Variants in MIA2 observed in about 807,000 individuals in gnomAD.
MIA2 encodes MIA SH3 domain ER export factor 2.
In MIA2, 127 loss-of-function variants were observed where a neutral mutation model predicts 167.8. That is an observed-to-expected ratio of 0.76 (90% confidence interval 0.66 to 0.88). The LOEUF (loss-of-function observed/expected upper bound fraction) is 0.88. Ranked by LOEUF, MIA2 falls within the 40% of genes least tolerant of loss-of-function variation. The probability of loss-of-function intolerance (pLI) is 0.00; values close to 1 mark genes in which losing one functional copy is unlikely to be tolerated. For synonymous variants in MIA2, 552 were observed against 541.9 expected, an observed-to-expected ratio of 1.02 and a Z score of -0.26; for missense variants, 1,690 against 1,624.7, an observed-to-expected ratio of 1.04 and a Z score of -0.69.
At chr14:39,355,547 C>T (rs1192859593), downstream of MIA2, among the ~76,000 whole-genome samples, 1 of 152,186 alleles carries the variant, frequency 6.6e-6, no homozygotes, top group Admixed American at 6.5e-5. Context: ...CCTTTATTTC[C>T]TTCTCCTGCC....
chr14:39,266,948 T>C, intron 6 of MIA2: 1 of 654,038 alleles, frequency 1.5e-6, no homozygotes, highest in Non-Finnish European at 1.9e-6. Flanking sequence ...TCTTTGGGGT[T>C]GTGCGGCTCA....
At chr14:39,284,494 A>G (rs1050882945) in intron 9 of MIA2, among the ~76,000 whole-genome samples, 1 of 151,614 alleles carries the variant, frequency 6.6e-6, no homozygotes, top group Non-Finnish European at 1.5e-5. Flanking sequence ...GATGCTGCCA[A>G]CTCTATTTTT....
At chr14:39,353,765 C>G (rs1483594402), downstream of MIA2, among the ~76,000 whole-genome samples, 1 of 152,076 alleles carries the variant, frequency 6.6e-6, no homozygotes, top group Non-Finnish European at 1.5e-5. Context: ...CTTCCTGTGT[C>G]CAAGTGTTCT....
In MIA2 at chr14:39,252,853, C is replaced by A. The variant is rs780645950; in HGVS notation, c.1673C>A (p.Thr558Asn). 6 of 1,613,864 alleles carry A rather than the reference C, an allele frequency of 3.7e-6. No individual in the cohort carries two copies. Among genetic ancestry groups the A allele is most frequent in the Non-Finnish European group, 5.1e-6 (6 of 1,179,922 alleles). Reference sequence around the variant, plus strand: ...GAAAATTCGAAACCATCAGTAGACACCGAAGGGCCTGCTCTGGTGGAGATA... The same window carrying A: ...GAAAATTCGAAACCATCAGTAGACAACGAAGGGCCTGCTCTGGTGGAGATA... ...SDENSKPSVD[T>N]EGPALVEIDR... Residue 558 changes from threonine (T) to asparagine (N), a missense_variant, in exon 5 of 29, where the codon ACC (threonine) becomes AAC (asparagine). Physicochemically the swap from Thr to Asn is moderately conservative, Grantham distance 65. Transcript: ENST00000640607.
chr14:39,345,234 T>C (rs1161216686), intron 25 of MIA2, among the ~76,000 whole-genome samples: 1 of 151,964 alleles, frequency 6.6e-6, no homozygotes, highest in Non-Finnish European at 1.5e-5. Context: ...CTACCATGCC[T>C]GGCTAATTTT....
chr14:39,354,773 A>G (rs1164972864), downstream of MIA2, among the ~76,000 whole-genome samples: 2 of 152,126 alleles, frequency 1.3e-5, no homozygotes, highest in African/African-American at 4.8e-5. Context: ...TCAGCTTTCT[A>G]CATATGGCTA....
chr14:39,298,559 G>A (rs529371834), intron 13 of MIA2, among the ~76,000 whole-genome samples: 320 of 2,572 alleles, frequency 0.12, 8 homozygotes, highest in African/African-American at 0.29. Context: ...TTTTTTGTGA[G>A]CAACATGGCT....
intron 6 of MIA2, among the ~76,000 whole-genome samples, chr14:39,275,440 A>G (rs369930713): frequency 1.2e-3 from 183 of 152,322 alleles, no homozygotes; most frequent in Admixed American, 1.8e-3. Context: ...CCCTAGCTCA[A>G]TGCTTTAAAC....
chr14:39,290,850 G>A (rs959517991), intron 9 of MIA2, among the ~76,000 whole-genome samples, 169 bp from the exon 10 acceptor site: 4 of 152,164 alleles, frequency 2.6e-5, no homozygotes, highest in Non-Finnish European at 5.9e-5. Context: ...TAGCTGCTCT[G>A]GCATTGTTTG....
Position 39,326,970 on chromosome 14 carries a change from G to A in MIA2, c.3603G>A (p.Gly1201=), listed in dbSNP as rs2067692781. 1 of 1,581,046 alleles carries A rather than the reference G, an allele frequency of 6.3e-7. No homozygotes were observed. Among genetic ancestry groups the A allele is most frequent in the African/African-American group, 1.4e-5 (1 of 72,826 alleles). ...CTCATAGGGCTCCCTCTGACACTGGGTCTCTGTCACCTCCATGGGACCAGG... is the reference window on the plus strand; with the variant it reads ...CTCATAGGGCTCCCTCTGACACTGGATCTCTGTCACCTCCATGGGACCAGG... ...TDPHRAPSDT[G]SLSPPWDQDR... Residue 1201 remains glycine (G), a synonymous_variant, in exon 25 of 29, where the codon GGG becomes GGA. Coordinates refer to ENST00000640607, the MANE Select transcript of MIA2 (RefSeq NM_001329214.4).
rs903314938 is a variant in MIA2, at chr14:39,296,322, A to AT, written c.2496+1303dup. On this transcript the variant is annotated intron_variant, in intron 13 of 28. Coordinates refer to ENST00000640607, the MANE Select transcript of MIA2 (RefSeq NM_001329214.4). ...TTGGTTGAATATATTCTGGGTTGGC[A>AT]TTTTTTTTTTCCTCAAAATTTTGAC... Among the ~76,000 whole-genome samples the AT allele has an allele frequency of 7.7e-4, 113 of 147,672 alleles. 1 individual carries two copies. The highest frequency in any genetic ancestry group is 7.3e-3 in the South Asian group (34 of 4,660).
chr14:39,345,491 C>G (rs2073041998), intron 25 of MIA2, among the ~76,000 whole-genome samples: 1 of 152,118 alleles, frequency 6.6e-6, no homozygotes, highest in Non-Finnish European at 1.5e-5. Flanking sequence ...ATCACCTGTT[C>G]TGGTAAATTT....
At chr14:39,351,489 A>T (rs1664477211), downstream of MIA2, 1 of 152,178 alleles carries the variant, frequency 6.6e-6, no homozygotes, top group Admixed American at 6.5e-5. Flanking sequence ...TTTAGTGCTT[A>T]CCGTGGTCTG....
intron 23 of MIA2, among the ~76,000 whole-genome samples, chr14:39,382,103 A>G (rs940648770): frequency 6.6e-6 from 1 of 152,240 alleles, no homozygotes; most frequent in African/African-American, 2.4e-5. Flanking sequence ...AACTCCAGAA[A>G]GATACTGCCT....
intron 11 of MIA2, among the ~76,000 whole-genome samples, chr14:39,293,637 A>G (rs2061021031): frequency 6.6e-6 from 1 of 152,300 alleles, no homozygotes; most frequent in South Asian, 2.1e-4. Flanking sequence ...CTGAATAATC[A>G]TGTCCATAGT....
intron 25 of MIA2, among the ~76,000 whole-genome samples, chr14:39,344,977 C>A (rs896371060): frequency 6.6e-6 from 1 of 152,164 alleles, no homozygotes; most frequent in African/African-American, 2.4e-5. Context: ...TAGTTGGTGT[C>A]CAAATTTGTG....
intron 9 of MIA2, among the ~76,000 whole-genome samples, chr14:39,281,331 A>G (rs559739420): frequency 6.6e-6 from 1 of 152,082 alleles, no homozygotes; most frequent in Admixed American, 6.5e-5. Flanking sequence ...TTAACTTTTT[A>G]TTATATCTCA....
chr14:39,358,065 T>G lies in MIA2; in HGVS notation c.2248+9088T>G, dbSNP rs1406990512. On this transcript the variant is annotated intron_variant, in intron 23 of 23. Coordinates refer to the MIA2 transcript ENST00000341502. ...CTCTTCTCAAGGAGTATCTTTGTGG[T>G]GGTCTCTGTATTTCCTGAATTTGAA... Among the ~76,000 whole-genome samples, 22 of 152,296 alleles carry G rather than the reference T, an allele frequency of 1.4e-4. 1 individual carries two copies. The Middle Eastern group carries it at 0.017, about 118-fold the overall frequency.
intron 15 of MIA2, among the ~76,000 whole-genome samples, chr14:39,302,801 AAC>A (rs1436801628): frequency 6.6e-6 from 1 of 152,094 alleles, no homozygotes; most frequent in Non-Finnish European, 1.5e-5. Context: ...ACCTAAAAAA[AAC>A]CTTTTTATTT....
Sources: allele counts gnomAD v4.1 joint callset (sites outside exome capture counted in the v4.1 genomes callset), GRCh38; gene constraint gnomAD v4.1.1; transcripts MANE v1.5; gene names NCBI Gene and HGNC (gene_info 2026-07-23, HGNC 2026-07-21).